Variants in SLC31A1 observed in about 807,000 individuals in gnomAD.
The protein encoded by SLC31A1 is solute carrier family 31 member 1.
Under a neutral mutation model 17.2 loss-of-function variants are expected in SLC31A1, and 5 were observed. That is an observed-to-expected ratio of 0.29 (90% CI 0.15 to 0.61). The LOEUF (loss-of-function observed/expected upper bound fraction) is 0.61, where lower values mean the gene tolerates loss of function less well. Ranked by LOEUF, SLC31A1 falls within the 20% of genes least tolerant of loss-of-function variation. The pLI, the probability that SLC31A1 is intolerant of heterozygous loss-of-function variation, is 0.86. For synonymous variants in SLC31A1, 76 were observed against 78.8 expected (o/e 0.96, Z 0.19); for missense variants, 161 against 241.4 (o/e 0.67, Z 2.21).
chr9:113,251,420 T>TA (rs1437345077), intron 1 of SLC31A1, among the ~76,000 whole-genome samples: 60 of 149,782 alleles, frequency 4.0e-4, no homozygotes, highest in East Asian at 2.9e-3. Context: ...AGACTCTATC[T>TA]AAAAAAATAA....
chr9:113,248,550 A>C (rs1409389346), intron 1 of SLC31A1, among the ~76,000 whole-genome samples: 3 of 145,650 alleles, frequency 2.1e-5, no homozygotes, highest in Admixed American at 7.1e-5. Context: ...GCTCACTGCA[A>C]CATGGCCTCC....
intron 1 of SLC31A1, among the ~76,000 whole-genome samples, chr9:113,222,898 C>G (rs968133183): frequency 1.3e-5 from 2 of 152,178 alleles, no homozygotes; most frequent in African/African-American, 4.8e-5. Flanking sequence ...ACTGTGATTG[C>G]AGCACTGAAA....
intron 1 of SLC31A1, 110 bp from the exon 2 acceptor site, chr9:113,256,004 C>A: frequency 1.4e-6 from 1 of 734,340 alleles, no homozygotes; most frequent in Middle Eastern, 4.1e-4. Flanking sequence ...TGTGAATAGC[C>A]ATTGCATTCC....
chr9:113,255,254 T>C (rs1264116907), intron 1 of SLC31A1, among the ~76,000 whole-genome samples: 2 of 152,246 alleles, frequency 1.3e-5, no homozygotes, highest in African/African-American at 4.8e-5. Context: ...GTCCTTGCTT[T>C]TTATCTGCTG....
chr9:113,222,249 G>C (rs1831286982), intron 1 of SLC31A1, among the ~76,000 whole-genome samples: 1 of 152,146 alleles, frequency 6.6e-6, no homozygotes. Flanking sequence ...CGGATGAGGT[G>C]CAGAAGAGCT....
chr9:113,256,638 G>C (rs184109754), intron 2 of SLC31A1: 1 of 260,968 alleles, frequency 3.8e-6, no homozygotes, highest in Admixed American at 5.0e-5. Flanking sequence ...AAGGCAGGTG[G>C]ATCACAAGGT....
intron 1 of SLC31A1, among the ~76,000 whole-genome samples, chr9:113,225,634 A>T (rs1016351214): frequency 6.6e-6 from 1 of 152,222 alleles, no homozygotes; most frequent in Non-Finnish European, 1.5e-5. Flanking sequence ...TAAAGTTTCC[A>T]TACTAAATGT....
chr9:113,224,458 C>T lies in SLC31A1; in HGVS notation c.-36+2780C>T, dbSNP rs549775573. The stretch of plus-strand genomic sequence containing the variant: ...TTTTTTTTTTTTTGAGACAGAGTTT[C>T]GCTCTTGTTGCCCAGGCTTGAATGC... On this transcript the variant is annotated intron_variant, in intron 1 of 4. Coordinates refer to ENST00000374212, the MANE Select transcript of SLC31A1 (RefSeq NM_001859.4). Among the ~76,000 whole-genome samples, 37 of 145,470 alleles carry T rather than the reference C, an allele frequency of 2.5e-4. No homozygotes were observed. The South Asian group carries it at 7.3e-3, about 29-fold the overall frequency.
chr9:113,229,407 T>C (rs1274457388), intron 1 of SLC31A1, among the ~76,000 whole-genome samples: 2 of 152,230 alleles, frequency 1.3e-5, no homozygotes, highest in Non-Finnish European at 2.9e-5. Context: ...AATTATAGCA[T>C]ACAGTATATT....
intron 1 of SLC31A1, among the ~76,000 whole-genome samples, chr9:113,254,894 G>A (rs1167888370): frequency 6.6e-6 from 1 of 152,068 alleles, no homozygotes; most frequent in Admixed American, 6.6e-5. Flanking sequence ...GCAAAACTCT[G>A]TCTCAAAAAT....
At chr9:113,251,373 G>A (rs1176494887) in intron 1 of SLC31A1, among the ~76,000 whole-genome samples, 10 of 151,974 alleles carry the variant, frequency 6.6e-5, no homozygotes, top group African/African-American at 2.4e-4. Context: ...AGTGAGCCAA[G>A]ATGGCACCAC....
At chr9:113,233,582 T>TA (rs1282792632) in intron 1 of SLC31A1, among the ~76,000 whole-genome samples, 1 of 152,228 alleles carries the variant, frequency 6.6e-6, no homozygotes, top group Non-Finnish European at 1.5e-5. Context: ...AGATTTTACT[T>TA]ACACAGTGCG....
intron 1 of SLC31A1, chr9:113,227,703 A>G (rs1831357144): frequency 6.6e-6 from 1 of 152,216 alleles, no homozygotes; most frequent in Non-Finnish European, 1.5e-5. Context: ...TTAATTTCCA[A>G]TATTACTCAT....
At chr9:113,260,043 G>A (rs1831773669) in intron 4 of SLC31A1, among the ~76,000 whole-genome samples, 1 of 152,118 alleles carries the variant, frequency 6.6e-6, no homozygotes, top group Non-Finnish European at 1.5e-5. Context: ...TCCGGAAAAG[G>A]GTTCCTTCTA....
At chr9:113,238,316 A>C (rs939514393) in intron 1 of SLC31A1, among the ~76,000 whole-genome samples, 4 of 152,216 alleles carry the variant, frequency 2.6e-5, no homozygotes, top group Non-Finnish European at 4.4e-5. Context: ...ACAACAAAGA[A>C]TTATCCAGTC....
Position 113,260,776 on chromosome 9 carries a change from T to C in SLC31A1, c.*303T>C, listed in dbSNP as rs181386016. On this transcript the variant is annotated 3_prime_UTR_variant, in exon 5 of 5. Coordinates refer to ENST00000374212, the MANE Select transcript of SLC31A1 (RefSeq NM_001859.4). ...TAGAGCCAAGTTATATGTTCTTGTC[T>C]AATCCATGTAGCTTTTTGTTCAATG... 9 of 402,964 alleles carry C rather than the reference T, an allele frequency of 2.2e-5. No individual in the cohort carries two copies. In the East Asian group the frequency reaches 4.9e-4, roughly 22 times the overall value. 25.0% of individuals were successfully genotyped at this position (402,964 alleles called of 1,614,324 possible).
chr9:113,237,236 C>A (rs1279971238), intron 1 of SLC31A1, among the ~76,000 whole-genome samples: 1 of 152,116 alleles, frequency 6.6e-6, no homozygotes, highest in African/African-American at 2.4e-5. Context: ...TACTGTATGC[C>A]AGAAGCATGG....
At chr9:113,222,210 C>T (rs1044189771) in intron 1 of SLC31A1, among the ~76,000 whole-genome samples, 3 of 152,104 alleles carry the variant, frequency 2.0e-5, no homozygotes, top group Non-Finnish European at 4.4e-5. Flanking sequence ...GAGGAAAGTC[C>T]CCTTTCTAGA....
intron 1 of SLC31A1, chr9:113,227,165 A>T (rs1831350815): frequency 6.6e-6 from 1 of 152,132 alleles, no homozygotes. Context: ...TAGAATGCAG[A>T]TGTAGAACCT....
Sources: allele counts gnomAD v4.1 joint callset (sites outside exome capture counted in the v4.1 genomes callset), GRCh38; gene constraint gnomAD v4.1.1; transcripts MANE v1.5; gene names NCBI Gene and HGNC (gene_info 2026-07-23, HGNC 2026-07-21).